DACH1: variants seen among roughly 807,000 people sequenced by gnomAD.
DACH1 encodes the protein dachshund family transcription factor 1, also known as dachshund homolog 1.
DACH1 carries 12 observed loss-of-function variants against 54.2 expected under a neutral mutation model. That is an observed-to-expected ratio of 0.22 (90% confidence interval 0.14 to 0.36). DACH1 has a LOEUF of 0.36. Among genes scored for constraint, DACH1 ranks in the 10% least tolerant of loss-of-function variants. DACH1 has a pLI of 1.00. For missense variants in DACH1, 805 were observed against 929.8 expected, an observed-to-expected ratio of 0.87 and a Z score of 1.75; for synonymous variants, 386 against 366.2, an observed-to-expected ratio of 1.05 and a Z score of -0.62.
At chr13:71,547,027 G>A (rs1026568706) in intron 6 of DACH1, among the ~76,000 whole-genome samples, 1 of 151,926 alleles carries the variant, frequency 6.6e-6, no homozygotes, top group Admixed American at 6.6e-5. Context: ...CATTTATTAT[G>A]ATAGCTTCCC....
intron 7 of DACH1, among the ~76,000 whole-genome samples, chr13:71,485,454 A>C (rs1878404520): frequency 6.7e-6 from 1 of 149,750 alleles, no homozygotes; most frequent in East Asian, 1.9e-4. Context: ...TTTTATATAT[A>C]TAAATTTTAT....
intron 3 of DACH1, among the ~76,000 whole-genome samples, chr13:71,621,185 A>G (rs1178548556): frequency 2.0e-5 from 3 of 151,984 alleles, no homozygotes; most frequent in African/African-American, 4.8e-5. Flanking sequence ...AATGACCCCA[A>G]GGAAGTAAGT....
intron 2 of DACH1, among the ~76,000 whole-genome samples, chr13:71,644,612 A>G (rs1313529210): frequency 6.6e-6 from 1 of 152,158 alleles, no homozygotes; most frequent in African/African-American, 2.4e-5. Flanking sequence ...CTCTGTACTA[A>G]CGGGGCCCTC....
rs1641610 is a variant in DACH1 at position 71,798,323 on chromosome 13, C to T, written c.848+67599G>A. 9.4e-3 allele frequency among the ~76,000 whole-genome samples: 907 copies of T among 96,384 alleles called. 6 individuals carry two copies. Among genetic ancestry groups the T allele is most frequent in the Middle Eastern group, 0.036 (4 of 110 alleles). 63.2% of individuals were successfully genotyped at this position (96,384 alleles called of 152,430 possible). A position where few individuals can be genotyped will look rare whatever the true frequency, so the allele number is the denominator to read the frequency against. On this transcript the variant is annotated intron_variant, in intron 1 of 10. Transcript: ENST00000613252. ...GATTTTAAAGAGAACTTGTTACATA[C>T]ATATATATATATATATATATATATA...
At chr13:71,747,767 G>C (rs751088178) in intron 1 of DACH1, among the ~76,000 whole-genome samples, 20 of 152,118 alleles carry the variant, frequency 1.3e-4, no homozygotes, top group Non-Finnish European at 2.6e-4. Context: ...AGGAAGCAAG[G>C]AAATCTGAGT....
At chr13:71,846,897 C>A (rs928425969) in intron 1 of DACH1, among the ~76,000 whole-genome samples, 8 of 152,120 alleles carry the variant, frequency 5.3e-5, no homozygotes, top group Non-Finnish European at 1.2e-4. Flanking sequence ...TAATCCCTAT[C>A]AAACACTAAA....
intron 2 of DACH1, among the ~76,000 whole-genome samples, chr13:71,655,855 A>G (rs1879057399): frequency 6.6e-6 from 1 of 152,162 alleles, no homozygotes; most frequent in African/African-American, 2.4e-5. Flanking sequence ...ATTCCCAAGA[A>G]AACTTTATTT....
intron 6 of DACH1, among the ~76,000 whole-genome samples, chr13:71,544,635 C>T (rs1883343756): frequency 6.6e-6 from 1 of 152,086 alleles, no homozygotes; most frequent in Admixed American, 6.6e-5. Context: ...GTTCTAAATG[C>T]TATCACTTAT....
chr13:71,517,769 C>A (rs952902506), intron 6 of DACH1, among the ~76,000 whole-genome samples: 3 of 151,858 alleles, frequency 2.0e-5, no homozygotes, highest in South Asian at 2.1e-4. Context: ...GAGTTAAAAG[C>A]ATTTGCTAGT....
chr13:71,505,076 T>TCCTC (rs1286327442), intron 6 of DACH1, among the ~76,000 whole-genome samples: 1 of 151,982 alleles, frequency 6.6e-6, no homozygotes, highest in Non-Finnish European at 1.5e-5. Flanking sequence ...GATATCTCCT[T>TCCTC]CCTTCCTTCC....
chr13:71,549,419 C>T (rs149334188), intron 6 of DACH1, among the ~76,000 whole-genome samples: 110 of 151,998 alleles, frequency 7.2e-4, no homozygotes, highest in South Asian at 2.5e-3. Flanking sequence ...TTTTTAAATG[C>T]GGAAAAGGCA....
At chr13:71,824,552 T>C (rs1721379090) in intron 1 of DACH1, among the ~76,000 whole-genome samples, 1 of 134,738 alleles carries the variant, frequency 7.4e-6, no homozygotes, top group Non-Finnish European at 1.8e-5. Context: ...GAAAAATAAA[T>C]GAATGAATGA....
At chr13:71,744,125 A>T (rs1594166487) in intron 1 of DACH1, among the ~76,000 whole-genome samples, 1 of 152,320 alleles carries the variant, frequency 6.6e-6, no homozygotes, top group Non-Finnish European at 1.5e-5. Context: ...GTGCAGTTAC[A>T]GATACCTCCC....
intron 2 of DACH1, among the ~76,000 whole-genome samples, chr13:71,681,373 C>A (rs1257872938): frequency 6.6e-6 from 1 of 152,120 alleles, no homozygotes; most frequent in Non-Finnish European, 1.5e-5. Context: ...CAGTTACTGT[C>A]TTTTGTTTGG....
chr13:71,626,915 C>T (rs892796904), intron 3 of DACH1, among the ~76,000 whole-genome samples: 1 of 151,946 alleles, frequency 6.6e-6, no homozygotes, highest in African/African-American at 2.4e-5. Context: ...TGTTTATCAC[C>T]ATGCAGACTA....
chr13:71,747,020 A>G (rs1490959778), intron 1 of DACH1, among the ~76,000 whole-genome samples: 2 of 152,190 alleles, frequency 1.3e-5, no homozygotes, highest in Non-Finnish European at 2.9e-5. Context: ...ACACATATGT[A>G]TATGTACTGA....
chr13:71,491,685 C>T (rs559575875), intron 6 of DACH1, among the ~76,000 whole-genome samples: 76 of 152,206 alleles, frequency 5.0e-4, no homozygotes, highest in South Asian at 1.0e-3. Flanking sequence ...GAAGATCAAA[C>T]AAACAAGAAT....
chr13:71,451,870 CTG>C (rs917198274), intron 10 of DACH1, among the ~76,000 whole-genome samples: 1 of 152,132 alleles, frequency 6.6e-6, no homozygotes, highest in Non-Finnish European at 1.5e-5. Context: ...GATAAATATA[CTG>C]TGTTTGCATA....
chr13:71,744,821 G>A (rs1012046642), intron 1 of DACH1, among the ~76,000 whole-genome samples: 8 of 152,270 alleles, frequency 5.3e-5, no homozygotes, highest in African/African-American at 1.9e-4. Context: ...GGTTAAAAGT[G>A]TATATATGCT....
Sources: allele counts gnomAD v4.1 joint callset (sites outside exome capture counted in the v4.1 genomes callset), GRCh38; gene constraint gnomAD v4.1.1; transcripts MANE v1.5; gene names NCBI Gene and HGNC (gene_info 2026-07-23, HGNC 2026-07-21).